Variants in MAST4 observed in about 807,000 individuals in gnomAD.
MAST4 encodes microtubule-associated serine/threonine-protein kinase 4.
A neutral mutation model predicts 162.7 loss-of-function variants in MAST4; 89 were observed. The observed-to-expected ratio is 0.55, with a 90% CI of 0.46 to 0.65. The LOEUF (loss-of-function observed/expected upper bound fraction) is 0.65. Ranked by LOEUF, MAST4 falls within the 30% of genes least tolerant of loss-of-function variation. The probability of loss-of-function intolerance (pLI) is 0.00; values close to 1 mark genes in which losing one functional copy is unlikely to be tolerated. For missense variants in MAST4, 3,153 were observed against 3,374.0 expected (o/e 0.93, Z 1.62); for synonymous variants, 1,479 against 1,361.1 (o/e 1.09, Z -1.91).
chr5:66,642,581 A>G lies in MAST4; in HGVS notation c.363+45563A>G, dbSNP rs149282260. Among the ~76,000 whole-genome samples the G allele has an allele frequency of 6.8e-3, 1,030 of 152,320 alleles. 2 individuals are homozygous for G. The highest frequency in any genetic ancestry group is 0.029 in the South Asian group (141 of 4,822). ...GATATGATGTCTGGGGAAGTGGGCA[A>G]GGACAGAGGAAACAAGAATGACTGC... On this transcript the variant is annotated intron_variant, in intron 1 of 28. Transcript: ENST00000403625.
At chr5:66,963,625 G>A in intron 4 of MAST4, 1 of 761,176 alleles carries the variant, frequency 1.3e-6, no homozygotes, top group South Asian at 1.4e-5. Context: ...TGGCCTAAAG[G>A]GAACACAGTC....
At position 67,001,006 on chromosome 5, in the gene MAST4, C is replaced by T. The variant is rs376619276; in HGVS notation, c.675-53398C>T. On this transcript the variant is annotated intron_variant, in intron 4 of 28. Transcript: ENST00000403625. ...TGAATGAAAGTTCTGAACCACAAAG[C>T]TTGTCCATTGTTGTATAGGCTTAGT... 2.3e-3 allele frequency among the ~76,000 whole-genome samples: 343 copies of T among 152,284 alleles called. 4 individuals carry two copies. Among genetic ancestry groups the T allele is most frequent in the South Asian group, 0.012 (59 of 4,818 alleles).
At chr5:67,036,624 G>A (rs983408110) in intron 4 of MAST4, among the ~76,000 whole-genome samples, 1 of 152,060 alleles carries the variant, frequency 6.6e-6, no homozygotes, top group Non-Finnish European at 1.5e-5. Flanking sequence ...CATCTGTAGG[G>A]TTCCTATAAC....
At position 66,609,701 on chromosome 5, in the gene MAST4, T is replaced by G. The variant is rs534597277; in HGVS notation, c.363+12683T>G. On this transcript the variant is annotated intron_variant, in intron 1 of 28. Coordinates refer to ENST00000403625, the MANE Select transcript of MAST4 (RefSeq NM_001164664.2). The stretch of plus-strand genomic sequence containing the variant: ...CATGCCCAGCCTGGTGTTTTTTTTT[T>G]TTTGTTTTTTTTTTTTTGTTTTGTT... 5.3e-3 allele frequency among the ~76,000 whole-genome samples: 589 copies of G among 110,728 alleles called. 15 individuals are homozygous for G. The South Asian group carries it at 0.097, about 18-fold the overall frequency. 72.6% of individuals were successfully genotyped at this position (110,728 alleles called of 152,430 possible).
At position 67,165,694 on chromosome 5, in the gene MAST4, C is replaced by T; in HGVS notation, c.6515C>T (p.Pro2172Leu). The T allele has an allele frequency of 7.0e-6, 11 of 1,580,912 alleles. No individual in the cohort carries two copies. Among genetic ancestry groups the T allele is most frequent in the Non-Finnish European group, 9.4e-6 (11 of 1,164,484 alleles). ...GGGGCCAAGCCCAGCACTGCAGAGC[C>T]CAGCTCGAGCCCCCAGGACCCTCCC... ...EPGAKPSTAEPSSSPQDPPKP... is the reference protein window; with the variant it reads ...EPGAKPSTAELSSSPQDPPKP... Residue 2172 changes from proline (P) to leucine (L), a missense_variant, in exon 29 of 29, where the codon CCC becomes CTC. Physicochemically the swap from Pro to Leu is moderately conservative, Grantham distance 98. This residue lies in a region of MAST4 where 1,644 missense variants were observed against 1,495.0 expected (regional missense o/e 1.10). Coordinates refer to ENST00000403625, the MANE Select transcript of MAST4 (RefSeq NM_001164664.2).
At chr5:67,130,157 A>G in intron 14 of MAST4, 53 bp from the exon 15 acceptor site, 1 of 1,515,200 alleles carries the variant, frequency 6.6e-7, no homozygotes, top group Non-Finnish European at 9.0e-7. Flanking sequence ...TATCCCCAAA[A>G]CATCCTTACT....
At chr5:67,082,369 G>A (rs549839548) in intron 5 of MAST4, among the ~76,000 whole-genome samples, 2 of 152,140 alleles carry the variant, frequency 1.3e-5, no homozygotes, top group South Asian at 2.1e-4. Flanking sequence ...TCTTGACCTC[G>A]TGATCCACCC....
chr5:66,755,522 C>T (rs578228866), intron 1 of MAST4, among the ~76,000 whole-genome samples: 23 of 152,104 alleles, frequency 1.5e-4, no homozygotes, highest in Admixed American at 6.5e-4. Context: ...GGCATATAGC[C>T]GTAGATAAAG....
At chr5:66,874,922 A>G (rs1761191927) in intron 3 of MAST4, among the ~76,000 whole-genome samples, 1 of 152,170 alleles carries the variant, frequency 6.6e-6, no homozygotes, top group Non-Finnish European at 1.5e-5. Context: ...CACTGTTCAC[A>G]GGGGACAAGA....
intron 4 of MAST4, among the ~76,000 whole-genome samples, chr5:66,905,674 C>T (rs1376387395): frequency 2.0e-5 from 3 of 152,116 alleles, no homozygotes; most frequent in African/African-American, 7.2e-5. Context: ...CATGCATTTT[C>T]AGGAAATATA....
At chr5:66,757,705 G>C (rs1461429848) in intron 1 of MAST4, among the ~76,000 whole-genome samples, 3 of 152,160 alleles carry the variant, frequency 2.0e-5, no homozygotes, top group Non-Finnish European at 4.4e-5. Flanking sequence ...AGAGGAGAGA[G>C]AGCAAAAACG....
At chr5:67,013,797 A>G (rs1752967647) in intron 4 of MAST4, among the ~76,000 whole-genome samples, 1 of 152,232 alleles carries the variant, frequency 6.6e-6, no homozygotes, top group Admixed American at 6.5e-5. Flanking sequence ...GAAGGGGTTG[A>G]GGGAAAAAAT....
intron 5 of MAST4, among the ~76,000 whole-genome samples, chr5:67,080,196 T>C (rs1762437240): frequency 6.6e-6 from 1 of 152,218 alleles, no homozygotes; most frequent in African/African-American, 2.4e-5. Context: ...GTCTTTGACT[T>C]TCTGGCCCTA....
At chr5:66,954,250 C>T (rs993885726) in intron 4 of MAST4, among the ~76,000 whole-genome samples, 4 of 152,166 alleles carry the variant, frequency 2.6e-5, no homozygotes, top group African/African-American at 9.7e-5. Flanking sequence ...GTATGCCTTC[C>T]AGCCGGCAAA....
intron 1 of MAST4, among the ~76,000 whole-genome samples, chr5:66,715,756 T>C (rs925456738): frequency 7.2e-6 from 1 of 138,172 alleles, no homozygotes; most frequent in Admixed American, 7.2e-5. Context: ...AAAAATGGAG[T>C]GGAATTACTG....
At chr5:66,977,991 A>G (rs917608944) in intron 4 of MAST4, among the ~76,000 whole-genome samples, 2 of 152,200 alleles carry the variant, frequency 1.3e-5, no homozygotes, top group Non-Finnish European at 2.9e-5. Flanking sequence ...TTTCTTTTTC[A>G]GTGTAAAATC....
At chr5:66,863,145 A>T (rs746873076) in intron 3 of MAST4, among the ~76,000 whole-genome samples, 127 of 152,226 alleles carry the variant, frequency 8.3e-4, no homozygotes, top group Non-Finnish European at 1.5e-3. Context: ...TGAAACCTTG[A>T]CAAAAGAAAA....
At chr5:67,028,247 A>G (rs6866391) in intron 4 of MAST4, among the ~76,000 whole-genome samples, 4,453 of 152,210 alleles carry the variant, frequency 0.029, 183 homozygotes, top group African/African-American at 0.088. Flanking sequence ...GAAGACTGTA[A>G]TCTAGGCAAA....
intron 18 of MAST4, among the ~76,000 whole-genome samples, chr5:67,135,973 C>G (rs778702259): frequency 6.6e-6 from 1 of 152,196 alleles, no homozygotes; most frequent in Non-Finnish European, 1.5e-5. Context: ...ACTTCCATTA[C>G]TATGATTACT....
Sources: allele counts gnomAD v4.1 joint callset (sites outside exome capture counted in the v4.1 genomes callset), GRCh38; gene constraint gnomAD v4.1.1; regional missense constraint gnomAD v4.1.1; transcripts MANE v1.5; gene names NCBI Gene and HGNC (gene_info 2026-07-23, HGNC 2026-07-21).